The following COL18A1 variants were observed in gnomAD, a reference collection of about 807,000 sequenced individuals.
The protein encoded by COL18A1 is collagen type XVIII alpha 1 chain.
A neutral mutation model predicts 168.0 loss-of-function variants in COL18A1; 133 were observed. The ratio of observed to expected loss-of-function variants is 0.79; its 90% CI spans 0.69 to 0.91. The LOEUF is 0.91. Ranked by LOEUF, COL18A1 falls within the 40% of genes least tolerant of loss-of-function variation. The pLI, the probability that COL18A1 is intolerant of heterozygous loss-of-function variation, is 0.00. For missense variants in COL18A1, 2,126 were observed against 1,925.4 expected (o/e 1.10, Z -1.95); for synonymous variants, 949 against 809.0 (o/e 1.17, Z -2.94).
In COL18A1 at chr21:45,443,593, C is replaced by G. The variant is rs942207754; in HGVS notation, c.107-24649C>G. Among the ~76,000 whole-genome samples the G allele has an allele frequency of 1.2e-4, 19 of 152,254 alleles. No homozygotes were observed. The highest frequency in any genetic ancestry group is 4.6e-4 in the African/African-American group (19 of 41,534). ...GGGGTGTGGACTGTGCTGAACTGTT[C>G]TCCGACAGGCGGCCCTTTTTCTCCC... On this transcript the variant is annotated intron_variant, in intron 2 of 41. Coordinates refer to ENST00000651438, the MANE Select transcript of COL18A1 (RefSeq NM_001379500.1). The surrounding 1 kb of genome is among the most constrained non-coding windows in gnomAD (Gnocchi z 5.2).
intron 2 of COL18A1, chr21:45,456,784 G>T: frequency 6.5e-7 from 1 of 1,541,600 alleles, no homozygotes; most frequent in Non-Finnish European, 8.7e-7. Context: ...TGCAGGATGC[G>T]TGTTGGAGCC....
In COL18A1 at chr21:45,505,119, T is replaced by C. The variant is rs1011058478; in HGVS notation, c.2869-15T>C. 1.1e-5 allele frequency: 17 copies of C among 1,606,508 alleles called. No homozygotes were observed. The African/African-American group carries it at 1.5e-4, about 14-fold the overall frequency. On this transcript the variant is annotated splice_polypyrimidine_tract_variant and intron_variant, in intron 34 of 41. Transcript: ENST00000651438. ...CACGAGGTAACCAGGAAGCGTCTCTTGTCGCCGTCCGTAGGGTCCCAAGGG... is the reference window on the plus strand; with the variant it reads ...CACGAGGTAACCAGGAAGCGTCTCTCGTCGCCGTCCGTAGGGTCCCAAGGG...
At chr21:45,449,550 G>A (rs756546598) in intron 2 of COL18A1, among the ~76,000 whole-genome samples, 5 of 152,136 alleles carry the variant, frequency 3.3e-5, no homozygotes, top group African/African-American at 1.2e-4. Flanking sequence ...TGCCCCCACC[G>A]TGGGGGAGAG....
intron 11 of COL18A1, 44 bp downstream of exon 11, chr21:45,480,200 C>T (rs1411059528): frequency 2.4e-6 from 3 of 1,252,986 alleles, no homozygotes; most frequent in Non-Finnish European, 3.4e-6. Flanking sequence ...GTCTGCCCTC[C>T]TCAAAAGCAG....
chr21:45,410,274 C>T (rs1312006952), intron 2 of COL18A1, among the ~76,000 whole-genome samples: 2 of 152,374 alleles, frequency 1.3e-5, no homozygotes, highest in African/African-American at 2.4e-5. Flanking sequence ...CTGTGGGCCC[C>T]TCGTTCCCAC....
chr21:45,507,339 C>G, intron 37 of COL18A1: 1 of 605,786 alleles, frequency 1.7e-6, no homozygotes, highest in Admixed American at 2.6e-5. Context: ...GGGCCGGGTG[C>G]TGGGCAGGGA....
At chr21:45,470,012 G>A (rs914198214) in intron 3 of COL18A1, among the ~76,000 whole-genome samples, 25 of 152,234 alleles carry the variant, frequency 1.6e-4, no homozygotes, top group African/African-American at 4.8e-5. Flanking sequence ...TTTCTTGGTG[G>A]AATAAAGTGG....
intron 2 of COL18A1, among the ~76,000 whole-genome samples, chr21:45,438,085 C>G (rs1446404180): frequency 3.1e-5 from 4 of 128,054 alleles, no homozygotes. Flanking sequence ...CAAGCACTCT[C>G]CTGCACACAC....
At chr21:45,502,735 G>C (rs2036931063) in intron 32 of COL18A1, 1 of 152,246 alleles carries the variant, frequency 6.6e-6, no homozygotes, top group Non-Finnish European at 1.5e-5. Flanking sequence ...CCTTGGAGAG[G>C]GTGGAGGGAC....
intron 2 of COL18A1, among the ~76,000 whole-genome samples, chr21:45,462,912 A>C (rs1209548730): frequency 5.9e-5 from 9 of 152,108 alleles, no homozygotes. Context: ...ACTTTTTAAA[A>C]AATGTTTTGT....
rs561197506 is a variant in COL18A1 at position 45,505,297 on chromosome 21, G to A, written c.3013+19G>A. The A allele has an allele frequency of 6.2e-6, 10 of 1,606,924 alleles. No individual in the cohort carries two copies. In the South Asian group the frequency reaches 7.7e-5, roughly 12 times the overall value. Reference sequence around the variant, plus strand: ...AGGCAGAGTAAGTCAGTGGGGAGTGGGCCCCGGGCAGAGGCCGCCTCGTGT... The same window carrying A: ...AGGCAGAGTAAGTCAGTGGGGAGTGAGCCCCGGGCAGAGGCCGCCTCGTGT... On this transcript the variant is annotated intron_variant, in intron 35 of 41. Transcript: ENST00000651438.
intron 3 of COL18A1, 60 bp downstream of exon 3, chr21:45,468,846 G>T (rs943954387): frequency 1.4e-6 from 2 of 1,432,584 alleles, no homozygotes; most frequent in Admixed American, 2.1e-5. Context: ...TGGGGTGGGG[G>T]TGGCCACTGG....
rs60162212 is a variant in COL18A1 at position 45,473,910 on chromosome 21, C to T, written c.667C>T (p.Leu223=). Residue 223 remains leucine (L), a synonymous_variant, in exon 4 of 42, where the codon CTG becomes TTG. Coordinates refer to ENST00000651438, the MANE Select transcript of COL18A1 (RefSeq NM_001379500.1). The surrounding 1 kb of genome is among the most constrained non-coding windows in gnomAD (Gnocchi z 4.0). ...CTGCATTTAGGGGGTGATCGCTGAG[C>T]TGAAGGTGCGCAGGGACCCCCAGGT... is the stretch of plus-strand genomic sequence containing the variant. ...PDKFQGVIAE[L]KVRRDPQVSP... is the part of the protein sequence containing the mutation. 8.3e-4 allele frequency: 1,338 copies of T among 1,604,094 alleles called. 8 individuals are homozygous for T. The African/African-American group carries it at 0.016, about 19-fold the overall frequency.
At chr21:45,477,646 TG>T in intron 7 of COL18A1, 103 bp from the exon 8 acceptor site, 1 of 1,321,738 alleles carries the variant, frequency 7.6e-7, no homozygotes, top group Non-Finnish European at 1.0e-6. Flanking sequence ...GTGTCCACTG[TG>T]GGAAGCAGCC....
chr21:45,472,083 G>A (rs1033750233), intron 3 of COL18A1, among the ~76,000 whole-genome samples: 3 of 152,180 alleles, frequency 2.0e-5, no homozygotes, highest in East Asian at 1.9e-4. Context: ...CTGTGGGGGG[G>A]TCAGGGCCTC....
In COL18A1 at chr21:45,509,220, CCA is replaced by C. The variant is rs564318345; in HGVS notation, c.3250-135_3250-134del. On this transcript the variant is annotated intron_variant, in intron 38 of 41. Transcript: ENST00000651438. ...TGCTGCCTACACCCCCAGGGCAGCCCCAGAGTCGGGGGCGCAGCTCCCTGCTT... is the reference window on the plus strand; with the variant it reads ...TGCTGCCTACACCCCCAGGGCAGCCCGAGTCGGGGGCGCAGCTCCCTGCTT... 2.0e-4 allele frequency: 243 copies of C among 1,241,042 alleles called. No homozygotes were observed. The African/African-American group carries it at 2.3e-3, about 12-fold the overall frequency. 76.9% of individuals were successfully genotyped at this position (1,241,042 alleles called of 1,614,324 possible).
At position 45,480,162 on chromosome 21, in the gene COL18A1, T is replaced by C. The variant is rs1568908368; in HGVS notation, c.1398+6T>C. 2.0e-6 allele frequency: 3 copies of C among 1,537,702 alleles called. No individual in the cohort carries two copies. Among genetic ancestry groups the C allele is most frequent in the Non-Finnish European group, 2.7e-6 (3 of 1,114,226 alleles). ...CCTTCAGACACGACAAGCTGGTAAG[T>C]CCCGCCCTTGGCTTCCTGCGACCCG... On this transcript the variant is annotated splice_donor_region_variant and intron_variant, in intron 11 of 41. Coordinates refer to ENST00000651438, the MANE Select transcript of COL18A1 (RefSeq NM_001379500.1).
At chr21:45,450,278 A>G (rs553252224) in intron 2 of COL18A1, among the ~76,000 whole-genome samples, 1 of 152,274 alleles carries the variant, frequency 6.6e-6, no homozygotes, top group South Asian at 2.1e-4. Context: ...CAGGGAATGA[A>G]GAGGGTGGCT....
At chr21:45,448,745 T>C (rs944873962) in intron 2 of COL18A1, among the ~76,000 whole-genome samples, 1 of 152,248 alleles carries the variant, frequency 6.6e-6, no homozygotes, top group African/African-American at 2.4e-5. Flanking sequence ...ATGCGCTCCA[T>C]AATGTCCTTT....
Sources: allele counts gnomAD v4.1 joint callset (sites outside exome capture counted in the v4.1 genomes callset), GRCh38; gene constraint gnomAD v4.1.1; non-coding constraint Gnocchi (gnomAD v3.1); transcripts MANE v1.5; gene names NCBI Gene and HGNC (gene_info 2026-07-23, HGNC 2026-07-21).